Variants in WDR12 observed in about 807,000 individuals in gnomAD.
WDR12 encodes ribosome biogenesis protein WDR12.
In WDR12, 42 loss-of-function variants were observed where a neutral mutation model predicts 64.3. The ratio of observed to expected loss-of-function variants is 0.65; its 90% CI spans 0.51 to 0.84. WDR12 has a LOEUF of 0.84. Among genes scored for constraint, WDR12 ranks in the 40% least tolerant of loss-of-function variants. WDR12 has a pLI of 0.00. For synonymous variants in WDR12, 158 were observed against 173.3 expected, an observed-to-expected ratio of 0.91 and a Z score of 0.70; for missense variants, 469 against 494.6, an observed-to-expected ratio of 0.95 and a Z score of 0.49.
chr2:202,896,161 C>T lies in WDR12; in HGVS notation c.513G>A (p.Glu171=). The change falls in exon 6 of 13, where the codon GAG becomes GAA. Residue 171 remains glutamate, a synonymous_variant. Coordinates refer to ENST00000261015, the MANE Select transcript of WDR12 (RefSeq NM_018256.4). ...ASMDQTILLW[E]WNVERNKVKA... Reference sequence around the variant, plus strand: ...TCACTTTGTTTCTCTCTACATTCCACTCCCATAAGAGAATAGTCTGATCCA... The same window carrying T: ...TCACTTTGTTTCTCTCTACATTCCATTCCCATAAGAGAATAGTCTGATCCA... 6.2e-7 allele frequency: 1 copy of T among 1,614,090 alleles called. No homozygotes were observed. The highest frequency in any genetic ancestry group is 8.5e-7 in the Non-Finnish European group (1 of 1,180,000).
intron 3 of WDR12, among the ~76,000 whole-genome samples, chr2:202,900,573 TAA>T (rs1285275102): frequency 1.1e-4 from 16 of 152,254 alleles, no homozygotes; most frequent in African/African-American, 1.9e-4. Flanking sequence ...GCAACAATTA[TAA>T]GTTATATTTT....
intron 3 of WDR12, 87 bp from the exon 4 acceptor site, chr2:202,899,724 C>A (rs1305588092): frequency 8.6e-7 from 1 of 1,159,090 alleles, no homozygotes; most frequent in Non-Finnish European, 1.3e-6. Context: ...TAATATATCT[C>A]CTTTATATCC....
rs1288051397 is a variant in WDR12, at chr2:202,883,630, A to G, written c.1100T>C (p.Val367Ala). Residue 367 changes from valine (V) to alanine (A), a missense_variant, in exon 11 of 13, where the codon GTT becomes GCT. Val to Ala is a moderately conservative substitution (Grantham distance 64). Transcript: ENST00000261015. ...QLISGSLDNI[V>A]KLWDTRSCKA... ...TTACCTTCTTGTATCCCACAGCTTA[A>G]CAATGTTATCTAAAGATCCTGAAAT... 2 of 1,614,076 alleles carry G rather than the reference A, an allele frequency of 1.2e-6. No homozygotes were observed. The highest frequency in any genetic ancestry group is 3.3e-5 in the Admixed American group (2 of 60,012).
At chr2:202,897,928 A>T (rs1320597662) in intron 4 of WDR12, among the ~76,000 whole-genome samples, 15 of 97,132 alleles carry the variant, frequency 1.5e-4, no homozygotes, top group Non-Finnish European at 2.2e-4. Flanking sequence ...TATATATAAA[A>T]AATATATATC....
At chr2:202,884,351 T>A in intron 9 of WDR12, 44 bp downstream of exon 9, 1 of 1,613,402 alleles carries the variant, frequency 6.2e-7, no homozygotes, top group East Asian at 2.2e-5. Flanking sequence ...CTAAAAACCA[T>A]CTCTAGAAGT....
chr2:202,887,441 A>T lies in WDR12; in HGVS notation c.742-2906T>A, dbSNP rs183188337. Among the ~76,000 whole-genome samples, 3 of 152,282 alleles carry T rather than the reference A, an allele frequency of 2.0e-5. No individual in the cohort carries two copies. The East Asian group carries it at 5.8e-4, about 29-fold the overall frequency. On this transcript the variant is annotated intron_variant, in intron 8 of 12. Coordinates refer to ENST00000261015, the MANE Select transcript of WDR12 (RefSeq NM_018256.4). ...CTGGCTGTTGGGCTGTAATTTGCCA[A>T]CTCCTAGACCAAATGATCCCTGAGG...
At chr2:202,891,519 A>G (rs961151096) in intron 8 of WDR12, among the ~76,000 whole-genome samples, 4 of 152,188 alleles carry the variant, frequency 2.6e-5, no homozygotes, top group Non-Finnish European at 5.9e-5. Flanking sequence ...TTCCTCTTGC[A>G]ATTCATCAGT....
At chr2:202,908,065 C>A in intron 1 of WDR12, 106 bp from the exon 2 acceptor site, 1 of 1,036,848 alleles carries the variant, frequency 9.6e-7, no homozygotes, top group Non-Finnish European at 1.5e-6. Flanking sequence ...GCCAGACATC[C>A]AGACATTTTG....
intron 8 of WDR12, 93 bp downstream of exon 8, chr2:202,892,524 A>C (rs1688172362): frequency 1.3e-6 from 1 of 787,140 alleles, no homozygotes; most frequent in East Asian, 2.8e-5. Flanking sequence ...GGTAAGACAG[A>C]AGGCAACATA....
intron 7 of WDR12, among the ~76,000 whole-genome samples, chr2:202,894,003 T>C (rs1688197587): frequency 6.6e-6 from 1 of 152,180 alleles, no homozygotes; most frequent in South Asian, 2.1e-4. Context: ...CTTCCAAGTT[T>C]CCTGAATAAG....
At position 202,897,883 on chromosome 2, in the gene WDR12, C is replaced by T. The variant is rs556372835; in HGVS notation, c.339-468G>A. On this transcript the variant is annotated intron_variant, in intron 4 of 12. Coordinates refer to ENST00000261015, the MANE Select transcript of WDR12 (RefSeq NM_018256.4). ...CAGCCTGGGTGACAGAGCGAGACTC[C>T]GTTTCAAAAAAAAAAAAAAAAAAAA... 1.7e-3 allele frequency among the ~76,000 whole-genome samples: 77 copies of T among 45,538 alleles called. 1 individual carries two copies. The highest frequency in any genetic ancestry group is 0.04 in the Middle Eastern group (2 of 50). 29.9% of individuals were successfully genotyped at this position (45,538 alleles called of 152,430 possible). A position where few individuals can be genotyped will look rare whatever the true frequency, so the allele number is the denominator to read the frequency against.
intron 4 of WDR12, among the ~76,000 whole-genome samples, chr2:202,897,910 T>C (rs1429942354): frequency 1.1e-4 from 12 of 106,962 alleles, no homozygotes; most frequent in Admixed American, 9.9e-5. Context: ...AAAAAAAAAA[T>C]ATATATATAT....
intron 8 of WDR12, among the ~76,000 whole-genome samples, chr2:202,884,952 C>T (rs979326392): frequency 6.6e-6 from 1 of 152,184 alleles, no homozygotes; most frequent in African/African-American, 2.4e-5. Flanking sequence ...GATACAGTTT[C>T]TCCCCCCCTC....
At position 202,878,581 on chromosome 2, in the gene WDR12, G is replaced by A. The variant is rs1199988307; in HGVS notation, c.*2279C>T. The A allele has an allele frequency of 1.3e-5, 2 of 152,208 alleles. No individual in the cohort carries two copies. The highest frequency in any genetic ancestry group is 2.9e-5 in the Non-Finnish European group (2 of 68,034). 9.4% of individuals were successfully genotyped at this position (152,208 alleles called of 1,614,324 possible). On this transcript the variant is annotated 3_prime_UTR_variant, in exon 13 of 13. Coordinates refer to ENST00000261015, the MANE Select transcript of WDR12 (RefSeq NM_018256.4). The stretch of plus-strand genomic sequence containing the variant: ...GGACCACATACCAGGGATGGAGGGA[G>A]CCTAGGATCCTAAAGAATGTGGAAC...
chr2:202,884,337 T>C (rs1688009858), intron 9 of WDR12, 34 bp from the exon 10 acceptor site: 1 of 1,613,450 alleles, frequency 6.2e-7, no homozygotes, highest in African/African-American at 1.3e-5. Flanking sequence ...TTAACCATGG[T>C]AGACTAAAAA....
chr2:202,901,186 G>A lies in WDR12; in HGVS notation c.137-67C>T, dbSNP rs541451182. ...AAGTAATATTGGCAGAGGTATATGA[G>A]AACTCCCAAAACAAACAGGTACCTA... On this transcript the variant is annotated intron_variant, in intron 2 of 12. Transcript: ENST00000261015. 12 of 1,239,626 alleles carry A rather than the reference G, an allele frequency of 9.7e-6. No individual in the cohort carries two copies. In the South Asian group the frequency reaches 2.1e-4, roughly 22 times the overall value. The allele number at this position is 1,239,626 out of a possible 1,614,324, so 76.8% of individuals were successfully genotyped here. A position where few individuals can be genotyped will look rare whatever the true frequency, so the allele number is the denominator to read the frequency against.
chr2:202,897,831 G>C (rs938658800), intron 4 of WDR12, among the ~76,000 whole-genome samples: 1 of 140,568 alleles, frequency 7.1e-6, no homozygotes, highest in African/African-American at 2.7e-5. Flanking sequence ...AGAGCTTGCA[G>C]TGAGCCGAGA....
At position 202,903,511 on chromosome 2, in the gene WDR12, G is replaced by C. The variant is rs572971459; in HGVS notation, c.137-2392C>G. ...AGGAAGGAAGGAAGGAAGTGAGGGAGGGAGGGAGGGAGGGAGGAAGGGCAT... is the reference window on the plus strand; with the variant it reads ...AGGAAGGAAGGAAGGAAGTGAGGGACGGAGGGAGGGAGGGAGGAAGGGCAT... On this transcript the variant is annotated intron_variant, in intron 2 of 12. Transcript: ENST00000261015. Among the ~76,000 whole-genome samples the C allele has an allele frequency of 8.8e-4, 132 of 150,314 alleles. 4 individuals carry two copies. In the South Asian group the frequency reaches 0.027, roughly 31 times the overall value.
At chr2:202,907,193 C>T (rs544440034) in intron 2 of WDR12, among the ~76,000 whole-genome samples, 8 of 152,152 alleles carry the variant, frequency 5.3e-5, no homozygotes, top group Middle Eastern at 3.4e-3. Flanking sequence ...GTGATCCACC[C>T]GCCTCGGCCT....
Sources: gnomAD v4.1 joint callset for allele counts (sites outside exome capture counted in the v4.1 genomes callset) on GRCh38, gnomAD v4.1.1 for gene constraint, MANE v1.5 for transcripts, NCBI Gene and HGNC (gene_info 2026-07-23, HGNC 2026-07-21) for gene names.